Variants in STARD13 observed in about 807,000 individuals in gnomAD.
STARD13 encodes stAR-related lipid transfer protein 13.
In STARD13, 62 loss-of-function variants were observed where a neutral mutation model predicts 106.4. That is an observed-to-expected ratio of 0.58 (90% confidence interval 0.48 to 0.72). The LOEUF is 0.72. Ranked by LOEUF, STARD13 falls within the 30% of genes least tolerant of loss-of-function variation. The pLI, the probability that STARD13 is intolerant of heterozygous loss-of-function variation, is 0.00. For synonymous variants in STARD13, 565 were observed against 553.0 expected, an observed-to-expected ratio of 1.02 and a Z score of -0.31; for missense variants, 1,387 against 1,424.0, an observed-to-expected ratio of 0.97 and a Z score of 0.42.
Position 33,112,815 on chromosome 13 carries a change from C to T in STARD13, c.2398G>A (p.Val800Met). 1 of 1,613,976 alleles carries T rather than the reference C, an allele frequency of 6.2e-7. No individual in the cohort carries two copies. The highest frequency in any genetic ancestry group is 8.5e-7 in the Non-Finnish European group (1 of 1,179,936). Residue 800 changes from valine (V) to methionine (M), a missense_variant, in exon 9 of 14, where the codon GTG becomes ATG. Coordinates refer to ENST00000336934, the MANE Select transcript of STARD13 (RefSeq NM_178006.4). ...ATGGGCGTCATCTGATTCTCTTCCA[C>T]CAAGTTGACGACGTCGTTCAGGAAA... Reference protein sequence around the residue: ...LCFLNDVVNLVEENQMTPMNL... With the variant: ...LCFLNDVVNLMEENQMTPMNL...
the STARD13 span, among the ~76,000 whole-genome samples, chr13:33,582,801 A>G: frequency 6.6e-6 from 1 of 152,208 alleles, no homozygotes; most frequent in East Asian, 1.9e-4. Flanking sequence ...TTTTCAACTA[A>G]GCTATGGGAA....
the STARD13 span, among the ~76,000 whole-genome samples, chr13:33,568,923 A>T: frequency 6.8e-6 from 1 of 148,110 alleles, no homozygotes; most frequent in African/African-American, 2.5e-5. Flanking sequence ...GAGTTCTCCT[A>T]TAGAAAACTT....
At chr13:33,519,218 TTC>T in the STARD13 span, among the ~76,000 whole-genome samples, 3 of 132,508 alleles carry the variant, frequency 2.3e-5, no homozygotes, top group East Asian at 7.6e-4. Context: ...TTTTCTTTCT[TTC>T]TTTCTTTCTT....
chr13:33,127,425 G>C lies in STARD13; in HGVS notation c.1870C>G (p.Leu624Val). ...GAGTGCTTCTCCATGATGGCCGTGAGGCGGAGCAGTGAGAAGCGCTGGAGC... is the reference window on the plus strand; with the variant it reads ...GAGTGCTTCTCCATGATGGCCGTGACGCGGAGCAGTGAGAAGCGCTGGAGC... ...SLLQRFSLLRLTAIMEKHSMS... is the reference protein window; with the variant it reads ...SLLQRFSLLRVTAIMEKHSMS... The change falls in exon 6 of 14, where the codon CTC (leucine) becomes GTC (valine). Residue 624 changes from leucine to valine, a missense_variant. By Grantham distance (32) the Leu-to-Val change is conservative. Coordinates refer to ENST00000336934, the MANE Select transcript of STARD13 (RefSeq NM_178006.4). 1 of 1,605,706 alleles carries C rather than the reference G, an allele frequency of 6.2e-7. No individual in the cohort carries two copies. Among genetic ancestry groups the C allele is most frequent in the Non-Finnish European group, 8.5e-7 (1 of 1,178,562 alleles).
chr13:33,319,310 T>C (rs563751689), intron 1 of STARD13, among the ~76,000 whole-genome samples: 12 of 152,320 alleles, frequency 7.9e-5, no homozygotes, highest in African/African-American at 2.9e-4. Context: ...ACCTATTTTA[T>C]GATTCTATGT....
the STARD13 span, among the ~76,000 whole-genome samples, chr13:33,460,025 T>G: frequency 6.6e-6 from 1 of 152,206 alleles, no homozygotes; most frequent in African/African-American, 2.4e-5. Flanking sequence ...TGCTTCTTAG[T>G]GTAGTTTTCA....
chr13:33,569,666 G>A, the STARD13 span, among the ~76,000 whole-genome samples: 2 of 147,764 alleles, frequency 1.4e-5, no homozygotes, highest in African/African-American at 5.0e-5. Context: ...CAGTTAGGAA[G>A]TGGTAATTAC....
chr13:33,340,847 A>G (rs375510681), intron 1 of STARD13, among the ~76,000 whole-genome samples: 14 of 152,374 alleles, frequency 9.2e-5, no homozygotes, highest in African/African-American at 3.4e-4. Context: ...CTGGTCAGAT[A>G]GATGAGTTAA....
chr13:33,413,642 C>CACAA, the STARD13 span, among the ~76,000 whole-genome samples: 324 of 152,012 alleles, frequency 2.1e-3, no homozygotes, highest in African/African-American at 5.0e-3. Flanking sequence ...AGTAAAAATA[C>CACAA]ACAAACAAAC....
At chr13:33,548,009 C>G in the STARD13 span, among the ~76,000 whole-genome samples, 6 of 152,054 alleles carry the variant, frequency 3.9e-5, no homozygotes, top group African/African-American at 1.4e-4. Context: ...GAGCCATCAG[C>G]CTTTATTTTA....
the STARD13 span, among the ~76,000 whole-genome samples, chr13:33,481,179 G>T: frequency 1.5e-4 from 22 of 151,492 alleles, no homozygotes; most frequent in East Asian, 3.9e-3. Context: ...AATATGAATT[G>T]TACCAAGACA....
At chr13:33,202,992 A>C (rs2138102224) in intron 1 of STARD13, among the ~76,000 whole-genome samples, 1 of 152,356 alleles carries the variant, frequency 6.6e-6, no homozygotes, top group South Asian at 2.1e-4. Context: ...GCAGCAAAGA[A>C]GTTGTCGAAG....
intron 1 of STARD13, among the ~76,000 whole-genome samples, chr13:33,293,348 T>A (rs1458054750): frequency 6.6e-6 from 1 of 152,210 alleles, no homozygotes; most frequent in Non-Finnish European, 1.5e-5. Flanking sequence ...ACAAATTGAT[T>A]GAATAAATAA....
chr13:33,535,398 C>T, the STARD13 span, among the ~76,000 whole-genome samples: 1 of 151,960 alleles, frequency 6.6e-6, no homozygotes, highest in Non-Finnish European at 1.5e-5. Flanking sequence ...TATTCTTGAA[C>T]TATAACAATT....
intron 1 of STARD13, among the ~76,000 whole-genome samples, chr13:33,330,202 T>C (rs949705771): frequency 6.6e-6 from 1 of 152,204 alleles, no homozygotes; most frequent in East Asian, 1.9e-4. Context: ...AAAGTTATAT[T>C]CCTAACAACA....
chr13:33,155,138 C>T (rs992883351), intron 3 of STARD13, among the ~76,000 whole-genome samples: 1 of 152,064 alleles, frequency 6.6e-6, no homozygotes, highest in South Asian at 2.1e-4. Flanking sequence ...AGCTCCGGGC[C>T]GGGCACCCTA....
intron 1 of STARD13, among the ~76,000 whole-genome samples, chr13:33,313,992 C>T: frequency 6.6e-6 from 1 of 152,174 alleles, no homozygotes; most frequent in Admixed American, 6.5e-5. Flanking sequence ...GTACTTTCAT[C>T]CTTTTCCATG....
rs1878136803 is a variant in STARD13, at chr13:33,130,525, T to C, written c.388-236A>G. On this transcript the variant is annotated intron_variant, in intron 4 of 13. Coordinates refer to ENST00000336934, the MANE Select transcript of STARD13 (RefSeq NM_178006.4). This position sits in a 1 kb window ranked among gnomAD's most constrained non-coding sequence, Gnocchi z 4.1. ...TCTCAACTTGCCAAACTTTCTTCCT[T>C]CCCATTTTCAAAGAGGTTTTGAATG... Among the ~76,000 whole-genome samples, 1 of 152,160 alleles carries C rather than the reference T, an allele frequency of 6.6e-6. No individual in the cohort carries two copies. The highest frequency in any genetic ancestry group is 1.9e-4 in the East Asian group (1 of 5,188).
the STARD13 span, among the ~76,000 whole-genome samples, chr13:33,418,345 C>T: frequency 6.6e-6 from 1 of 152,226 alleles, no homozygotes; most frequent in Non-Finnish European, 1.5e-5. Context: ...GCTAGCACAG[C>T]AGTCTGAGAT....
Sources: gnomAD v4.1 joint callset for allele counts (sites outside exome capture counted in the v4.1 genomes callset) on GRCh38, gnomAD v4.1.1 for gene constraint, Gnocchi (gnomAD v3.1) non-coding constraint, MANE v1.5 for transcripts, NCBI Gene and HGNC (gene_info 2026-07-23, HGNC 2026-07-21) for gene names.